Variants in CSAD observed in about 807,000 individuals in gnomAD.
CSAD encodes P-selectin cytoplasmic tail-associated protein.
CSAD carries 47 observed loss-of-function variants against 61.5 expected under a neutral mutation model. The ratio of observed to expected loss-of-function variants is 0.76; its 90% CI spans 0.60 to 0.97. CSAD has a LOEUF of 0.97. CSAD is among the 50% of genes least tolerant of loss of function. The pLI is 0.00. For missense variants in CSAD, 611 were observed against 643.6 expected, an observed-to-expected ratio of 0.95 and a Z score of 0.55; for synonymous variants, 245 against 252.7, an observed-to-expected ratio of 0.97 and a Z score of 0.29.
At chr12:53,170,669 C>G (rs1393383671) in intron 8 of CSAD, 167 bp from the exon 9 acceptor site, 5 of 635,228 alleles carry the variant, frequency 7.9e-6, no homozygotes, top group Non-Finnish European at 1.4e-5. Flanking sequence ...AATGCAGGTT[C>G]TGGTCCACTA....
chr12:53,174,102 A>G (rs1390460181), intron 2 of CSAD, among the ~76,000 whole-genome samples: 1 of 152,030 alleles, frequency 6.6e-6, no homozygotes, highest in African/African-American at 2.4e-5. Flanking sequence ...CAGGAGATCG[A>G]GACCATCCTG....
chr12:53,180,809 G>C lies in CSAD; in HGVS notation c.-168C>G. On this transcript the variant is annotated 5_prime_UTR_variant, in exon 1 of 17. Transcript: ENST00000444623. ...GCCTGGAGGAGGCGCCGCGCGGCCA[G>C]GGAGCCAGCGGGAGGCCGCGCCTGG... 1.6e-6 allele frequency: 2 copies of C among 1,272,086 alleles called. No individual in the cohort carries two copies. The highest frequency in any genetic ancestry group is 2.0e-6 in the Non-Finnish European group (2 of 982,194). The allele number at this position is 1,272,086 out of a possible 1,614,324, so 78.8% of individuals were successfully genotyped here. A position where few individuals can be genotyped will look rare whatever the true frequency, so the allele number is the denominator to read the frequency against.
chr12:53,167,732 TG>T (rs2121483058), intron 10 of CSAD, among the ~76,000 whole-genome samples: 1 of 152,312 alleles, frequency 6.6e-6, no homozygotes, highest in African/African-American at 2.4e-5. Flanking sequence ...TGACAAGTGC[TG>T]GTGAGTATGT....
intron 1 of CSAD, chr12:53,180,105 G>A: frequency 1.5e-6 from 2 of 1,354,916 alleles, no homozygotes; most frequent in Non-Finnish European, 1.9e-6. Context: ...GCAGGGAGGT[G>A]AGCAGTGTGG....
At chr12:53,159,578 G>T in intron 16 of CSAD, 45 bp downstream of exon 16, 1 of 1,528,504 alleles carries the variant, frequency 6.5e-7, no homozygotes, top group Non-Finnish European at 9.0e-7. Flanking sequence ...CGCATCAGTT[G>T]CATCAGCTCC....
chr12:53,172,888 G>C (rs1411001563), intron 4 of CSAD, among the ~76,000 whole-genome samples: 1 of 152,214 alleles, frequency 6.6e-6, no homozygotes, highest in Non-Finnish European at 1.5e-5. Context: ...AAGGAGGAAA[G>C]TTCTGAGCCA....
chr12:53,159,678 GGTAC>G lies in CSAD; in HGVS notation c.1249_1252del (p.Val417ProfsTer29). On this transcript the variant is annotated frameshift_variant, in exon 16 of 17. Transcript: ENST00000444623. LOFTEE classifies it high-confidence loss of function. ...CTCCTGCTTCCCTCGCAGGCTGGGG[GGTAC>G]GAACCAGAAACACACATTGACAAAC... The G allele has an allele frequency of 6.2e-7, 1 of 1,611,492 alleles. No individual in the cohort carries two copies. Among genetic ancestry groups the G allele is most frequent in the South Asian group, 1.1e-5 (1 of 90,288 alleles).
At chr12:53,163,685 T>A (rs1356289582) in intron 10 of CSAD, among the ~76,000 whole-genome samples, 1 of 152,206 alleles carries the variant, frequency 6.6e-6, no homozygotes, top group Non-Finnish European at 1.5e-5. Context: ...AATGAAAATA[T>A]GTTTCATGTT....
At chr12:53,171,514 T>C in intron 7 of CSAD, 73 bp from the exon 8 acceptor site, 1 of 1,445,876 alleles carries the variant, frequency 6.9e-7, no homozygotes, top group Non-Finnish European at 9.5e-7. Context: ...CCCTTCCCTT[T>C]CTACCAGAAG....
intron 7 of CSAD, 84 bp from the exon 8 acceptor site, chr12:53,171,525 A>T: frequency 2.2e-6 from 3 of 1,336,438 alleles, no homozygotes; most frequent in Non-Finnish European, 3.1e-6. Flanking sequence ...CTACCAGAAG[A>T]GCTCATCAAA....
chr12:53,169,183 A>G (rs1940261613), intron 10 of CSAD, among the ~76,000 whole-genome samples: 2 of 151,430 alleles, frequency 1.3e-5, no homozygotes, highest in South Asian at 4.2e-4. Flanking sequence ...CTGTCTCAAA[A>G]AAGAAAAAAA....
At chr12:53,165,010 G>A (rs1939729742) in intron 10 of CSAD, among the ~76,000 whole-genome samples, 1 of 152,146 alleles carries the variant, frequency 6.6e-6, no homozygotes, top group Admixed American at 6.5e-5. Flanking sequence ...CACCTATTAG[G>A]ATAACTACTA....
At chr12:53,169,555 C>T (rs895960413) in intron 10 of CSAD, among the ~76,000 whole-genome samples, 1 of 151,728 alleles carries the variant, frequency 6.6e-6, no homozygotes, top group Admixed American at 6.6e-5. Flanking sequence ...CCACTGCACT[C>T]CAGCCTGGGT....
chr12:53,159,697 C>T lies in CSAD; in HGVS notation c.1234G>A (p.Val412Met), dbSNP rs755496958. Residue 412 changes from valine (V) to methionine (M), a missense_variant, in exon 16 of 17, where the codon GTG becomes ATG. Transcript: ENST00000444623. Reference sequence around the variant, plus strand: ...CTGGGGGGTACGAACCAGAAACACACATTGACAAACTCAGGCTGAGAGGAA... The same window carrying T: ...CTGGGGGGTACGAACCAGAAACACATATTGACAAACTCAGGCTGAGAGGAA... ...ELVMEPEFVN[V>M]CFWFVPPSLR... is the part of the protein sequence containing the mutation. 3.7e-6 allele frequency: 6 copies of T among 1,610,140 alleles called. No individual in the cohort carries two copies. The highest frequency in any genetic ancestry group is 5.1e-6 in the Non-Finnish European group (6 of 1,178,154).
intron 8 of CSAD, 154 bp downstream of exon 8, chr12:53,171,172 T>C: frequency 8.8e-7 from 1 of 1,142,430 alleles, no homozygotes; most frequent in Non-Finnish European, 1.3e-6. Flanking sequence ...GAGCAGTTAC[T>C]TGACCTCCTT....
At chr12:53,178,886 A>C (rs1941315256) in intron 2 of CSAD, among the ~76,000 whole-genome samples, 1 of 152,150 alleles carries the variant, frequency 6.6e-6, no homozygotes, top group South Asian at 2.1e-4. Flanking sequence ...TTTGAGACAG[A>C]GTTTCACTCT....
At chr12:53,177,273 C>T (rs772507461) in intron 2 of CSAD, among the ~76,000 whole-genome samples, 2 of 152,124 alleles carry the variant, frequency 1.3e-5, no homozygotes, top group Non-Finnish European at 2.9e-5. Context: ...TAGTAAACAT[C>T]CCTGGCTTGT....
chr12:53,170,644 G>T (rs990737914), intron 8 of CSAD, 142 bp from the exon 9 acceptor site: 10 of 678,774 alleles, frequency 1.5e-5, no homozygotes, highest in Non-Finnish European at 2.1e-5. Flanking sequence ...TCGCCTGGGT[G>T]TCTGGTTAAA....
Position 53,158,545 on chromosome 12 carries a change from A to G in CSAD, c.1448T>C (p.Leu483Pro). The part of the protein sequence containing the change: ...ALTCADMDFL[L>P]NELERLGQDL ...CTGGCCTAGCCGCTCCAGCTCGTTG[A>G]GGAGGAAGTCCATATCAGCACAGGT... The change falls in exon 17 of 17, where the codon CTC becomes CCC. Residue 483 changes from leucine (L) to proline (P), a missense_variant. By Grantham distance (98) the Leu-to-Pro change is moderately conservative. Coordinates refer to ENST00000444623, the MANE Select transcript of CSAD (RefSeq NM_001244705.2). The G allele has an allele frequency of 6.2e-7, 1 of 1,613,338 alleles. No homozygotes were observed. Among genetic ancestry groups the G allele is most frequent in the Non-Finnish European group, 8.5e-7 (1 of 1,179,956 alleles).
Sources: allele counts gnomAD v4.1 joint callset (sites outside exome capture counted in the v4.1 genomes callset), GRCh38; gene constraint gnomAD v4.1.1; transcripts MANE v1.5; gene names NCBI Gene and HGNC (gene_info 2026-07-23, HGNC 2026-07-21).